PLCZ1: variants seen among roughly 807,000 people sequenced by gnomAD.
PLCZ1 encodes the protein phospholipase C zeta 1, also known as 1-phosphatidylinositol 4,5-bisphosphate phosphodiesterase zeta-1.
In PLCZ1, 64 loss-of-function variants were observed where a neutral mutation model predicts 76.8. The ratio of observed to expected loss-of-function variants is 0.83; its 90% CI spans 0.68 to 1.03. PLCZ1 has a LOEUF of 1.03. Ranked by LOEUF, PLCZ1 falls within the 50% of genes least tolerant of loss-of-function variation. The probability of loss-of-function intolerance (pLI) is 0.00; values close to 1 mark genes in which losing one functional copy is unlikely to be tolerated. For missense variants in PLCZ1, 751 were observed against 713.7 expected, an observed-to-expected ratio of 1.05 and a Z score of -0.60; for synonymous variants, 248 against 230.8, an observed-to-expected ratio of 1.07 and a Z score of -0.68.
At chr12:18,693,971 T>A (rs1390743507) in intron 12 of PLCZ1, 2 of 1,511,480 alleles carry the variant, frequency 1.3e-6, no homozygotes, top group African/African-American at 2.8e-5. Flanking sequence ...CAAGGCAGTC[T>A]GTACAGAAGC....
the PLCZ1 span, among the ~76,000 whole-genome samples, chr12:18,668,400 G>C: frequency 6.6e-6 from 1 of 152,120 alleles, no homozygotes; most frequent in South Asian, 2.1e-4. Context: ...TTTGTAAAAG[G>C]AAAACCTTGC....
At chr12:18,665,794 G>C in the PLCZ1 span, among the ~76,000 whole-genome samples, 1 of 151,968 alleles carries the variant, frequency 6.6e-6, no homozygotes, top group Non-Finnish European at 1.5e-5. Flanking sequence ...AATTAGCCAG[G>C]CGTAGTGGTG....
At chr12:18,658,131 T>C in the PLCZ1 span, among the ~76,000 whole-genome samples, 7 of 152,132 alleles carry the variant, frequency 4.6e-5, no homozygotes, top group Admixed American at 2.0e-4. Flanking sequence ...AGTAAGTTCA[T>C]TGAGATTTCC....
At chr12:18,710,577 T>A (rs1333274236) in intron 6 of PLCZ1, among the ~76,000 whole-genome samples, 1 of 152,086 alleles carries the variant, frequency 6.6e-6, no homozygotes, top group African/African-American at 2.4e-5. Flanking sequence ...CTGGTTGATA[T>A]GTTGAGATGA....
At chr12:18,655,054 T>TAAA in the PLCZ1 span, among the ~76,000 whole-genome samples, 91 of 151,202 alleles carry the variant, frequency 6.0e-4, no homozygotes, top group Admixed American at 1.3e-3. Context: ...GAAACAATAA[T>TAAA]AAAAAAAAAT....
chr12:18,712,641 A>G (rs1038776434), intron 6 of PLCZ1, among the ~76,000 whole-genome samples: 5 of 152,152 alleles, frequency 3.3e-5, no homozygotes, highest in African/African-American at 7.2e-5. Flanking sequence ...ATGAAACACT[A>G]TGTACCTTAC....
chr12:18,667,913 A>G, the PLCZ1 span, among the ~76,000 whole-genome samples: 1 of 152,166 alleles, frequency 6.6e-6, no homozygotes, highest in Non-Finnish European at 1.5e-5. Flanking sequence ...TAAACAGAAC[A>G]AGGTGGAGAG....
At chr12:18,687,408 A>G (rs1490389541) in intron 13 of PLCZ1, among the ~76,000 whole-genome samples, 1 of 152,136 alleles carries the variant, frequency 6.6e-6, no homozygotes, top group African/African-American at 2.4e-5. Flanking sequence ...ATCAGTTCCA[A>G]TGTCTCCTTC....
intron 7 of PLCZ1, 47 bp from the exon 8 acceptor site, chr12:18,701,823 T>G (rs375113807): frequency 1.3e-6 from 2 of 1,559,304 alleles, no homozygotes; most frequent in Admixed American, 3.8e-5. Context: ...ACAAGTAAAT[T>G]TGCATTGTAA....
intron 1 of PLCZ1, 154 bp from the exon 2 acceptor site, chr12:18,737,663 A>G: frequency 1.9e-6 from 1 of 522,676 alleles, no homozygotes; most frequent in Non-Finnish European, 3.4e-6. Flanking sequence ...CCACCTCCAA[A>G]CCCACAATAT....
the PLCZ1 span, chr12:18,648,184 A>C: frequency 2.6e-6 from 1 of 385,682 alleles, no homozygotes; most frequent in Non-Finnish European, 4.6e-6. Flanking sequence ...TGTGTTGTTT[A>C]TTTTCTACCT....
the PLCZ1 span, among the ~76,000 whole-genome samples, chr12:18,662,227 G>C: frequency 3.3e-5 from 5 of 151,998 alleles, no homozygotes; most frequent in Admixed American, 3.3e-4. Flanking sequence ...CTCATCACCT[G>C]GCTGATGAAA....
chr12:18,670,431 G>A, the PLCZ1 span, among the ~76,000 whole-genome samples: 1 of 151,992 alleles, frequency 6.6e-6, no homozygotes, highest in African/African-American at 2.4e-5. Context: ...TTAAAGGGGA[G>A]CAAACAAACC....
the PLCZ1 span, among the ~76,000 whole-genome samples, chr12:18,658,013 C>CA: frequency 2.0e-5 from 3 of 150,192 alleles, no homozygotes; most frequent in Non-Finnish European, 4.4e-5. Flanking sequence ...ATGAAGTAAC[C>CA]AAAAAAAAAT....
At chr12:18,721,295 G>A (rs2137531715) in intron 4 of PLCZ1, among the ~76,000 whole-genome samples, 3 of 152,130 alleles carry the variant, frequency 2.0e-5, no homozygotes, top group South Asian at 2.1e-4. Flanking sequence ...TACCAATGAG[G>A]GATGAGGCTG....
intron 4 of PLCZ1, among the ~76,000 whole-genome samples, chr12:18,719,942 T>C (rs774107933): frequency 1.3e-5 from 2 of 152,210 alleles, no homozygotes; most frequent in Non-Finnish European, 2.9e-5. Context: ...CACATCTGGA[T>C]GACTGGCACA....
At chr12:18,728,794 T>C (rs994736136) in intron 3 of PLCZ1, among the ~76,000 whole-genome samples, 1 of 152,164 alleles carries the variant, frequency 6.6e-6, no homozygotes, top group Non-Finnish European at 1.5e-5. Flanking sequence ...AGGATTCTTT[T>C]GGTTTATCTG....
the PLCZ1 span, among the ~76,000 whole-genome samples, chr12:18,650,722 A>G: frequency 0.027 from 451 of 16,504 alleles, 19 homozygotes; most frequent in African/African-American, 0.19. Context: ...CTATATATAT[A>G]TATATATATA....
intron 6 of PLCZ1, 35 bp downstream of exon 6, chr12:18,712,807 T>TA: frequency 6.2e-7 from 1 of 1,606,480 alleles, no homozygotes; most frequent in Non-Finnish European, 8.5e-7. Flanking sequence ...TGCTTCTGTT[T>TA]AAATAGCTAC....
Sources: allele counts gnomAD v4.1 joint callset (sites outside exome capture counted in the v4.1 genomes callset), GRCh38; gene constraint gnomAD v4.1.1; transcripts MANE v1.5; gene names NCBI Gene and HGNC (gene_info 2026-07-23, HGNC 2026-07-21).